Variants in MAPT observed in about 807,000 individuals in gnomAD.
MAPT encodes the protein microtubule associated protein tau.
Under a neutral mutation model 67.9 loss-of-function variants are expected in MAPT, and 34 were observed. The ratio of observed to expected loss-of-function variants is 0.50; its 90% CI spans 0.38 to 0.67. The LOEUF (loss-of-function observed/expected upper bound fraction) is 0.67, where lower values mean the gene tolerates loss of function less well. Among genes scored for constraint, MAPT ranks in the 30% least tolerant of loss-of-function variants. The pLI is 0.00. For synonymous variants in MAPT, 456 were observed against 464.5 expected, an observed-to-expected ratio of 0.98 and a Z score of 0.23; for missense variants, 881 against 1,115.2, an observed-to-expected ratio of 0.79 and a Z score of 2.99.
intron 1 of MAPT, among the ~76,000 whole-genome samples, chr17:45,903,839 T>TA (rs1279249756): frequency 7.2e-4 from 13 of 17,982 alleles, no homozygotes; most frequent in African/African-American, 1.0e-3. Flanking sequence ...ATATTATATA[T>TA]TTTATATATT....
At chr17:45,926,537 T>C (rs966941902) in intron 1 of MAPT, among the ~76,000 whole-genome samples, 1 of 152,170 alleles carries the variant, frequency 6.6e-6, no homozygotes, top group African/African-American at 2.4e-5. Flanking sequence ...AGTCTCAAAC[T>C]CCTGGGCTCA....
intron 9 of MAPT, among the ~76,000 whole-genome samples, chr17:46,002,864 C>T (rs933356789): frequency 6.6e-6 from 1 of 151,928 alleles, no homozygotes; most frequent in Non-Finnish European, 1.5e-5. Flanking sequence ...CTCACTGCAG[C>T]CTTGAAGTCC....
intron 9 of MAPT, among the ~76,000 whole-genome samples, chr17:46,002,566 G>A (rs543810554): frequency 5.3e-5 from 8 of 152,176 alleles, no homozygotes; most frequent in South Asian, 2.1e-4. Context: ...TCACTTTCTC[G>A]GAGGATGTCC....
At position 45,899,886 on chromosome 17, in the gene MAPT, G is replaced by T. The variant is rs117705806; in HGVS notation, c.-18+5200G>T. 3.5e-3 allele frequency among the ~76,000 whole-genome samples: 537 copies of T among 152,266 alleles called. 19 individuals are homozygous for T. The East Asian group carries it at 0.089, about 25-fold the overall frequency. ...CTCTTCCCCCAATCCAGGGTTTCTG[G>T]ACTGCTCTGCCATATGACGGGGCAG... is the stretch of plus-strand genomic sequence containing the variant. On this transcript the variant is annotated intron_variant, in intron 1 of 12. Transcript: ENST00000262410.
intron 1 of MAPT, among the ~76,000 whole-genome samples, chr17:45,955,041 A>C (rs561989084): frequency 1.3e-5 from 2 of 152,350 alleles, no homozygotes; most frequent in South Asian, 4.1e-4. Flanking sequence ...CAAGGGGCAT[A>C]GTAGAACAAA....
At chr17:45,987,288 G>A (rs908353216) in intron 6 of MAPT, among the ~76,000 whole-genome samples, 193 bp downstream of exon 6, 2 of 152,180 alleles carry the variant, frequency 1.3e-5, no homozygotes, top group Non-Finnish European at 2.9e-5. Flanking sequence ...CTTACCCCAG[G>A]GAAGAGCAGT....
At chr17:45,950,517 C>T (rs2068956466) in intron 1 of MAPT, among the ~76,000 whole-genome samples, 1 of 152,090 alleles carries the variant, frequency 6.6e-6, no homozygotes, top group African/African-American at 2.4e-5. Context: ...TGTCTGGGCC[C>T]CTGCCAGGCT....
intron 1 of MAPT, among the ~76,000 whole-genome samples, chr17:45,959,512 C>A (rs1327123837): frequency 6.6e-6 from 1 of 152,138 alleles, no homozygotes; most frequent in African/African-American, 2.4e-5. Context: ...TCTCAAAATT[C>A]TATGGACAAA....
chr17:45,986,072 G>A (rs1034109051), intron 5 of MAPT, among the ~76,000 whole-genome samples: 1 of 152,246 alleles, frequency 6.6e-6, no homozygotes, highest in African/African-American at 2.4e-5. Flanking sequence ...CTGGCTGACA[G>A]GTCAGCGGGT....
chr17:46,015,002 CA>C (rs896336342), intron 11 of MAPT, among the ~76,000 whole-genome samples: 1 of 151,126 alleles, frequency 6.6e-6, no homozygotes, highest in African/African-American at 2.4e-5. Context: ...TCAATGGGTA[CA>C]AAAAAAATAG....
At chr17:45,942,489 A>G (rs1387761148) in intron 1 of MAPT, among the ~76,000 whole-genome samples, 1 of 152,220 alleles carries the variant, frequency 6.6e-6, no homozygotes, top group East Asian at 1.9e-4. Context: ...CTGTCAAACA[A>G]GAGCCTTCAG....
chr17:45,990,604 G>T (rs2145754672), intron 7 of MAPT: 1 of 340,144 alleles, frequency 2.9e-6, no homozygotes, highest in Non-Finnish European at 5.9e-6. Context: ...CGCAAAAATT[G>T]TTTAAAAAAC....
chr17:45,965,841 G>A (rs1216739859), intron 2 of MAPT, among the ~76,000 whole-genome samples: 3 of 152,220 alleles, frequency 2.0e-5, no homozygotes, highest in Non-Finnish European at 2.9e-5. Flanking sequence ...CATTTTTGTA[G>A]CACTCTACTG....
chr17:45,969,883 TCCTC>T (rs1211156670), intron 2 of MAPT, among the ~76,000 whole-genome samples: 1 of 150,416 alleles, frequency 6.6e-6, no homozygotes, highest in African/African-American at 2.5e-5. Context: ...CATCATTCCT[TCCTC>T]CATCCATCCC....
intron 11 of MAPT, among the ~76,000 whole-genome samples, chr17:46,017,433 C>T (rs1426348724): frequency 1.1e-5 from 1 of 89,790 alleles, no homozygotes; most frequent in African/African-American, 4.3e-5. Context: ...GCCAACATGC[C>T]TGGCTAATTT....
intron 1 of MAPT, among the ~76,000 whole-genome samples, chr17:45,927,963 G>A (rs112454267): frequency 0.15 from 21,030 of 137,742 alleles, 2,075 homozygotes; most frequent in Middle Eastern, 0.26. Context: ...TGGCGCCACT[G>A]CACTCCAGCC....
Position 45,986,029 on chromosome 17 carries a change from CAAGAG to C in MAPT, c.1352-1007_1352-1003del, listed in dbSNP as rs2073501203. On this transcript the variant is annotated intron_variant, in intron 5 of 12. Transcript: ENST00000262410. Reference sequence around the variant, plus strand: ...ATGATCAGTTTTCAGCAGTGACTGTCAAGAGAAGGAGAAGGGTGAGTTAGCGCTGA... The same window carrying C: ...ATGATCAGTTTTCAGCAGTGACTGTCAAGGAGAAGGGTGAGTTAGCGCTGA... 7.2e-5 allele frequency among the ~76,000 whole-genome samples: 11 copies of C among 152,286 alleles called. No individual in the cohort carries two copies. In the South Asian group the frequency reaches 2.3e-3, roughly 32 times the overall value.
rs1344125083 is a variant in MAPT at position 46,024,460 on chromosome 17, A to G, written c.*289A>G. On this transcript the variant is annotated 3_prime_UTR_variant, in exon 13 of 13. Coordinates refer to ENST00000262410, the MANE Select transcript of MAPT (RefSeq NM_001377265.1). ...GGCCACATCCAACATTTCCTCAGGC[A>G]ATTCCTTTTGATTCTTTTTTCTTCC... is the stretch of plus-strand genomic sequence containing the variant. 6 of 521,132 alleles carry G rather than the reference A, an allele frequency of 1.2e-5. No homozygotes were observed. The East Asian group carries it at 2.0e-4, about 17-fold the overall frequency. 32.3% of individuals were successfully genotyped at this position (521,132 alleles called of 1,614,324 possible).
At chr17:45,939,991 A>G (rs936284567) in intron 1 of MAPT, among the ~76,000 whole-genome samples, 3 of 151,990 alleles carry the variant, frequency 2.0e-5, no homozygotes, top group African/African-American at 7.3e-5. Context: ...TCAGATAATT[A>G]CCCCCTCCCC....
Sources: allele counts gnomAD v4.1 joint callset (sites outside exome capture counted in the v4.1 genomes callset), GRCh38; gene constraint gnomAD v4.1.1; transcripts MANE v1.5; gene names NCBI Gene and HGNC (gene_info 2026-07-23, HGNC 2026-07-21).